Variants in TOR1AIP1 observed in about 807,000 individuals in gnomAD.
TOR1AIP1 encodes the protein torsin-1A-interacting protein 1.
TOR1AIP1 carries 54 observed loss-of-function variants against 63.3 expected under a neutral mutation model. That is an observed-to-expected ratio of 0.85 (90% CI 0.69 to 1.07). The LOEUF is 1.07. Ranked by LOEUF, TOR1AIP1 falls within the 50% of genes least tolerant of loss-of-function variation. The probability of loss-of-function intolerance (pLI) is 0.00; values close to 1 mark genes in which losing one functional copy is unlikely to be tolerated. For missense variants in TOR1AIP1, 736 were observed against 715.0 expected (o/e 1.03, Z -0.33); for synonymous variants, 294 against 273.5 (o/e 1.07, Z -0.74).
chr1:179,893,766 A>G (rs1648180134), intron 3 of TOR1AIP1, among the ~76,000 whole-genome samples: 1 of 152,144 alleles, frequency 6.6e-6, no homozygotes, highest in African/African-American at 2.4e-5. Flanking sequence ...TATCTGTACC[A>G]GGGGTTAGCA....
At chr1:179,907,603 A>G (rs1648683736) in intron 6 of TOR1AIP1, among the ~76,000 whole-genome samples, 1 of 22,986 alleles carries the variant, frequency 4.4e-5, no homozygotes, top group African/African-American at 1.0e-4. Context: ...TTATATATAT[A>G]TATATATATA....
In TOR1AIP1 at chr1:179,904,067, AATG is replaced by A. The variant is rs748068076; in HGVS notation, c.796+49_796+51del. On this transcript the variant is annotated intron_variant, in intron 6 of 9. Transcript: ENST00000606911. ...CAGTGTCTTCCTGTGAGCTTGGTCA[AATG>A]ATGTTCCTATTTTTGAAGATCCTCT... is the stretch of plus-strand genomic sequence containing the variant. 3.6e-6 allele frequency: 5 copies of A among 1,399,838 alleles called. No individual in the cohort carries two copies. The Admixed American group carries it at 6.3e-5, about 18-fold the overall frequency. 86.7% of individuals were successfully genotyped at this position (1,399,838 alleles called of 1,614,324 possible).
chr1:179,884,720 A>T lies in TOR1AIP1; in HGVS notation c.504A>T (p.Leu168Phe). 1 of 1,611,858 alleles carries T rather than the reference A, an allele frequency of 6.2e-7. No homozygotes were observed. Residue 168 changes from leucine to phenylalanine, a missense_variant, in exon 2 of 10, where the codon TTA becomes TTT. Physicochemically the swap from Leu to Phe is conservative, Grantham distance 22. This residue lies in a region of TOR1AIP1 where 464 missense variants were observed against 371.0 expected (regional missense o/e 1.25). Coordinates refer to ENST00000606911, the MANE Select transcript of TOR1AIP1 (RefSeq NM_015602.4). ...ATGAAGCATCTTCCCAAACTGATTT[A>T]AGCCAAACGATCTCAAAGAAAACTG... ...EEDEASSQTDLSQTISKKTVR... is the reference protein window; with the variant it reads ...EEDEASSQTDFSQTISKKTVR...
intron 1 of TOR1AIP1, 146 bp downstream of exon 1, chr1:179,883,123 C>T (rs1226526270): frequency 1.3e-5 from 10 of 777,732 alleles, no homozygotes; most frequent in Admixed American, 5.7e-5. Flanking sequence ...GGACTTGTGC[C>T]GCCGTGCAAG....
At chr1:179,890,910 G>C (rs901554941) in intron 3 of TOR1AIP1, among the ~76,000 whole-genome samples, 1 of 151,740 alleles carries the variant, frequency 6.6e-6, no homozygotes, top group Non-Finnish European at 1.5e-5. Context: ...ATGCACAACT[G>C]CGCCCAACCC....
intron 1 of TOR1AIP1, chr1:179,883,561 T>C (rs1257185954): frequency 2.2e-6 from 1 of 453,852 alleles, no homozygotes; most frequent in Non-Finnish European, 4.4e-6. Flanking sequence ...TCATTTTTCC[T>C]GAACTGATGT....
chr1:179,911,574 G>A (rs1163729562), intron 8 of TOR1AIP1, among the ~76,000 whole-genome samples: 2 of 152,206 alleles, frequency 1.3e-5, no homozygotes, highest in African/African-American at 4.8e-5. Flanking sequence ...ATATGTGCAT[G>A]GAGAGGTCAG....
chr1:179,882,591 G>A lies in TOR1AIP1; in HGVS notation c.89G>A (p.Gly30Asp), dbSNP rs560265006. Residue 30 changes from glycine to aspartate, a missense_variant, in exon 1 of 10, where the codon GGC (glycine) becomes GAC (aspartate). Around this residue, in one of 2 missense-constraint regions of TOR1AIP1, gnomAD observed 464 missense variants for 371.0 expected, o/e 1.25. Coordinates refer to ENST00000606911, the MANE Select transcript of TOR1AIP1 (RefSeq NM_015602.4). ...TPRAPIREGR[G>D]RLAPQNGGSS... Reference sequence around the variant, plus strand: ...AGGGCCCCCATCCGAGAGGGAAGGGGCCGGCTCGCCCCTCAAAATGGCGGC... The same window carrying A: ...AGGGCCCCCATCCGAGAGGGAAGGGACCGGCTCGCCCCTCAAAATGGCGGC... 2 of 1,524,568 alleles carry A rather than the reference G, an allele frequency of 1.3e-6. No individual in the cohort carries two copies. The highest frequency in any genetic ancestry group is 1.4e-5 in the African/African-American group (1 of 71,928). 94.4% of individuals were successfully genotyped at this position (1,524,568 alleles called of 1,614,324 possible). A position where few individuals can be genotyped will look rare whatever the true frequency, so the allele number is the denominator to read the frequency against.
chr1:179,889,164 T>C (rs1432873449), intron 2 of TOR1AIP1, 149 bp from the exon 3 acceptor site: 7 of 483,760 alleles, frequency 1.4e-5, no homozygotes, highest in Non-Finnish European at 2.4e-5. Context: ...TTCGCAACAG[T>C]TGTCACTTAG....
At chr1:179,894,261 A>AG (rs1479335245) in intron 3 of TOR1AIP1, among the ~76,000 whole-genome samples, 1 of 152,134 alleles carries the variant, frequency 6.6e-6, no homozygotes, top group East Asian at 1.9e-4. Context: ...AAAAAAAAAA[A>AG]AAAAAGAATA....
At chr1:179,890,433 G>A (rs554209309) in intron 3 of TOR1AIP1, among the ~76,000 whole-genome samples, 27 of 152,148 alleles carry the variant, frequency 1.8e-4, no homozygotes, top group Non-Finnish European at 3.7e-4. Context: ...ATCCTTTTAA[G>A]TATTCCAGTG....
intron 3 of TOR1AIP1, among the ~76,000 whole-genome samples, chr1:179,898,858 C>CT (rs1438446599): frequency 1.3e-5 from 2 of 151,292 alleles, no homozygotes; most frequent in Non-Finnish European, 2.9e-5. Context: ...GAGTCTAGCT[C>CT]TTTAAGAGTA....
At chr1:179,887,166 A>G (rs1647931974) in intron 2 of TOR1AIP1, among the ~76,000 whole-genome samples, 1 of 152,258 alleles carries the variant, frequency 6.6e-6, no homozygotes, top group South Asian at 2.1e-4. Flanking sequence ...TTGGGAGGCC[A>G]AGGTGGGCAG....
chr1:179,911,794 T>A (rs541173111), intron 8 of TOR1AIP1, among the ~76,000 whole-genome samples: 4 of 152,256 alleles, frequency 2.6e-5, no homozygotes, highest in Non-Finnish European at 5.9e-5. Context: ...TGAGCTTATA[T>A]GTGTAAACAC....
intron 3 of TOR1AIP1, among the ~76,000 whole-genome samples, chr1:179,894,145 G>C (rs1480195808): frequency 2.0e-5 from 3 of 151,738 alleles, no homozygotes; most frequent in Non-Finnish European, 2.9e-5. Flanking sequence ...CAGCTACTTG[G>C]GAGGCTGAGG....
chr1:179,908,045 A>T (rs1215217238), intron 7 of TOR1AIP1, among the ~76,000 whole-genome samples, 181 bp downstream of exon 7: 1 of 148,776 alleles, frequency 6.7e-6, no homozygotes, highest in Non-Finnish European at 1.5e-5. Flanking sequence ...AGTAGCTGGG[A>T]CTACAGGCGC....
intron 3 of TOR1AIP1, among the ~76,000 whole-genome samples, chr1:179,899,536 C>T (rs1250093119): frequency 1.3e-5 from 2 of 152,062 alleles, no homozygotes; most frequent in Non-Finnish European, 2.9e-5. Context: ...TATAGCAAAC[C>T]TATACACACT....
At chr1:179,908,448 C>T (rs1367172109) in intron 7 of TOR1AIP1, among the ~76,000 whole-genome samples, 157 bp from the exon 8 acceptor site, 3 of 152,092 alleles carry the variant, frequency 2.0e-5, no homozygotes, top group African/African-American at 7.2e-5. Context: ...CTGATACGAT[C>T]CTTTGAAATT....
At position 179,884,775 on chromosome 1, in the gene TOR1AIP1, A is replaced by C. The variant is rs1303467565; in HGVS notation, c.553+6A>C. On this transcript the variant is annotated splice_donor_region_variant and intron_variant, in intron 2 of 9. Transcript: ENST00000606911. ...GAGCATACAAGAGGCTCCAGGTAAG[A>C]ATAGTTAACTTTTTGTTTTTCTCCT... The C allele has an allele frequency of 6.3e-7, 1 of 1,596,046 alleles. No individual in the cohort carries two copies.
Sources: allele counts gnomAD v4.1 joint callset (sites outside exome capture counted in the v4.1 genomes callset), GRCh38; gene constraint gnomAD v4.1.1; regional missense constraint gnomAD v4.1.1; transcripts MANE v1.5; gene names NCBI Gene and HGNC (gene_info 2026-07-23, HGNC 2026-07-21).